PRKDC: variants seen among roughly 807,000 people sequenced by gnomAD.
PRKDC encodes the protein DNA-dependent protein kinase catalytic subunit.
PRKDC carries 82 observed loss-of-function variants against 486.9 expected under a neutral mutation model. The ratio of observed to expected loss-of-function variants is 0.17; its 90% CI spans 0.14 to 0.20. PRKDC has a LOEUF of 0.20. PRKDC is among the 10% of genes least tolerant of loss of function. The pLI, the probability that PRKDC is intolerant of heterozygous loss-of-function variation, is 1.00. For synonymous variants in PRKDC, 1,895 were observed against 1,837.0 expected (o/e 1.03, Z -0.81); for missense variants, 4,504 against 5,038.2 (o/e 0.89, Z 3.21).
intron 21 of PRKDC, among the ~76,000 whole-genome samples, chr8:47,925,138 T>C (rs192260588): frequency 6.6e-6 from 1 of 152,274 alleles, no homozygotes; most frequent in East Asian, 1.9e-4. Flanking sequence ...TCTACCTTCC[T>C]CTGTACCACC....
At chr8:47,775,363 CA>C (rs2086589926) in intron 85 of PRKDC, among the ~76,000 whole-genome samples, 3 of 139,782 alleles carry the variant, frequency 2.1e-5, no homozygotes, top group African/African-American at 8.4e-5. Context: ...GTCTTTTGAC[CA>C]TTTTTTTTTT....
intron 58 of PRKDC, among the ~76,000 whole-genome samples, chr8:47,835,560 T>C (rs2087996711): frequency 8.0e-6 from 1 of 124,520 alleles, no homozygotes. Context: ...GAGGTTGCAG[T>C]GAGCCAAGAT....
At chr8:47,801,153 C>A (rs1293914452) in intron 70 of PRKDC, among the ~76,000 whole-genome samples, 167 bp from the exon 71 acceptor site, 4 of 152,316 alleles carry the variant, frequency 2.6e-5, no homozygotes, top group African/African-American at 7.2e-5. Context: ...CTCACTGCAA[C>A]CCCTGCCTAC....
chr8:47,844,825 T>A (rs1300165695), intron 54 of PRKDC, among the ~76,000 whole-genome samples: 2 of 152,058 alleles, frequency 1.3e-5, no homozygotes, highest in Non-Finnish European at 2.9e-5. Flanking sequence ...AATCAAAAAA[T>A]TTTTTTCAAT....
intron 10 of PRKDC, 160 bp from the exon 11 acceptor site, chr8:47,939,857 T>G (rs905711273): frequency 3.4e-6 from 2 of 583,876 alleles, no homozygotes; most frequent in African/African-American, 3.8e-5. Context: ...TTTTGCTTAG[T>G]CTCTATCAGG....
rs1297062317 is a variant in PRKDC, at chr8:47,912,528, A to G, written c.2816T>C (p.Met939Thr). The change falls in exon 25 of 86, where the codon ATG becomes ACG. Residue 939 changes from methionine to threonine, a missense_variant. Transcript: ENST00000314191. ...CTGCGTGGCTTTGCCCAACATAAAC[A>G]TAACCATGCTATGTAAAAGTTCACA... ...AACELLHSMVMFMLGKATQMP... is the reference protein window; with the variant it reads ...AACELLHSMVTFMLGKATQMP... 2 of 1,612,738 alleles carry G rather than the reference A, an allele frequency of 1.2e-6. No individual in the cohort carries two copies. Among genetic ancestry groups the G allele is most frequent in the African/African-American group, 1.3e-5 (1 of 74,896 alleles).
chr8:47,818,513 A>C (rs1563750166), intron 67 of PRKDC, among the ~76,000 whole-genome samples: 1 of 142,862 alleles, frequency 7.0e-6, no homozygotes, highest in Non-Finnish European at 1.5e-5. Context: ...CGGGAGGCAG[A>C]GCTTGCAGTG....
intron 25 of PRKDC, among the ~76,000 whole-genome samples, chr8:47,907,450 C>T (rs118116054): frequency 0.034 from 5,207 of 150,928 alleles, 127 homozygotes; most frequent in Middle Eastern, 0.062. Flanking sequence ...TACAGACATA[C>T]CCCTTTATAG....
intron 36 of PRKDC, among the ~76,000 whole-genome samples, chr8:47,884,175 C>A (rs2089281501): frequency 1.3e-5 from 2 of 152,230 alleles, no homozygotes; most frequent in Non-Finnish European, 2.9e-5. Flanking sequence ...AGGTCTCTAT[C>A]CTCTCCAGGG....
intron 60 of PRKDC, among the ~76,000 whole-genome samples, chr8:47,831,536 G>A (rs2087873926): frequency 6.6e-6 from 1 of 152,108 alleles, no homozygotes; most frequent in Admixed American, 6.5e-5. Flanking sequence ...GTCCTGCCAG[G>A]GCGCGGGCCT....
chr8:47,794,605 G>T, intron 73 of PRKDC, 104 bp from the exon 74 acceptor site: 1 of 1,049,156 alleles, frequency 9.5e-7, no homozygotes, highest in Non-Finnish European at 1.3e-6. Context: ...GTATAAAAAC[G>T]CAAGTACAAA....
chr8:47,781,919 A>C (rs953202104), intron 80 of PRKDC, among the ~76,000 whole-genome samples: 3 of 152,214 alleles, frequency 2.0e-5, no homozygotes, highest in African/African-American at 7.2e-5. Flanking sequence ...TAATTTTATT[A>C]TTATTTATTT....
chr8:47,788,746 C>G lies in PRKDC; in HGVS notation c.10902+160G>C, dbSNP rs1589696164. Among the ~76,000 whole-genome samples, 3 of 152,158 alleles carry G rather than the reference C, an allele frequency of 2.0e-5. No individual in the cohort carries two copies. In the South Asian group the frequency reaches 6.2e-4, roughly 32 times the overall value. On this transcript the variant is annotated intron_variant, in intron 76 of 85. Transcript: ENST00000314191. ...CGACCTAAAAATGTTATCAATGTGT[C>G]ACAGAAAGCATGAGACCTAAAGCAT...
At chr8:47,819,150 G>A (rs775610981) in intron 67 of PRKDC, among the ~76,000 whole-genome samples, 3 of 152,154 alleles carry the variant, frequency 2.0e-5, no homozygotes, top group African/African-American at 2.4e-5. Flanking sequence ...GAGTCACCCC[G>A]CTACTCCAAA....
At chr8:47,928,748 A>C (rs2090199484) in intron 19 of PRKDC, among the ~76,000 whole-genome samples, 1 of 152,108 alleles carries the variant, frequency 6.6e-6, no homozygotes, top group South Asian at 2.1e-4. Context: ...CAGTAGTGCA[A>C]TCTCAGCTCA....
chr8:47,904,532 C>T (rs1039272334), intron 26 of PRKDC, among the ~76,000 whole-genome samples: 4 of 152,288 alleles, frequency 2.6e-5, no homozygotes, highest in South Asian at 2.1e-4. Flanking sequence ...GGATTACAGG[C>T]GTGAGCCACT....
intron 63 of PRKDC, among the ~76,000 whole-genome samples, chr8:47,825,504 CAAAAAAAAAA>C (rs397891351): frequency 4.9e-3 from 50 of 10,256 alleles, no homozygotes; most frequent in African/African-American, 0.016. Context: ...AAGACTGTCT[CAAAAAAAAAA>C]AAAAAAAAAA....
At chr8:47,922,239 C>T (rs1327248109) in intron 21 of PRKDC, among the ~76,000 whole-genome samples, 3 of 151,950 alleles carry the variant, frequency 2.0e-5, no homozygotes, top group Non-Finnish European at 4.4e-5. Flanking sequence ...CTTGAGCAAT[C>T]CTCCCACCTC....
chr8:47,853,188 G>T (rs2088452360), intron 51 of PRKDC, among the ~76,000 whole-genome samples: 2 of 152,232 alleles, frequency 1.3e-5, no homozygotes, highest in African/African-American at 2.4e-5. Flanking sequence ...GTGTGAGGAG[G>T]CTTCCCAGGG....
Sources: gnomAD v4.1 joint callset for allele counts (sites outside exome capture counted in the v4.1 genomes callset) on GRCh38, gnomAD v4.1.1 for gene constraint, MANE v1.5 for transcripts, NCBI Gene and HGNC (gene_info 2026-07-23, HGNC 2026-07-21) for gene names.